The following TAOK3 variants were observed in gnomAD, a reference collection of about 807,000 sequenced individuals.
TAOK3 encodes serine/threonine-protein kinase TAO3.
In TAOK3, 40 loss-of-function variants were observed where a neutral mutation model predicts 120.4. The observed-to-expected ratio is 0.33, with a 90% CI of 0.26 to 0.43. The LOEUF (loss-of-function observed/expected upper bound fraction) is 0.43. Among genes scored for constraint, TAOK3 ranks in the 20% least tolerant of loss-of-function variants. The pLI is 1.00. For synonymous variants in TAOK3, 355 were observed against 387.5 expected, an observed-to-expected ratio of 0.92 and a Z score of 0.99; for missense variants, 821 against 1,112.1, an observed-to-expected ratio of 0.74 and a Z score of 3.72.
chr12:118,280,445 A>G (rs1460547509), intron 1 of TAOK3, among the ~76,000 whole-genome samples: 2 of 152,162 alleles, frequency 1.3e-5, no homozygotes, highest in Admixed American at 6.5e-5. Flanking sequence ...TATTTATTAA[A>G]TAGGCAGTCC....
intron 9 of TAOK3, among the ~76,000 whole-genome samples, chr12:118,225,109 G>A (rs1257878990): frequency 6.6e-6 from 1 of 151,700 alleles, no homozygotes; most frequent in East Asian, 1.9e-4. Flanking sequence ...TTAGCCGGGA[G>A]TGGTGGTGGG....
chr12:118,307,721 A>G (rs2043102755), intron 1 of TAOK3, among the ~76,000 whole-genome samples: 1 of 152,180 alleles, frequency 6.6e-6, no homozygotes, highest in African/African-American at 2.4e-5. Flanking sequence ...TGAACTGTTA[A>G]TGAAGTTCCG....
At chr12:118,309,490 C>T (rs547176500) in intron 1 of TAOK3, among the ~76,000 whole-genome samples, 1 of 152,086 alleles carries the variant, frequency 6.6e-6, no homozygotes, top group African/African-American at 2.4e-5. Flanking sequence ...AATCTACCCT[C>T]CCTTCTTGGC....
chr12:118,333,092 T>C (rs995079919), intron 1 of TAOK3, among the ~76,000 whole-genome samples: 1 of 151,584 alleles, frequency 6.6e-6, no homozygotes, highest in African/African-American at 2.4e-5. Context: ...AGACAGAAAA[T>C]TAACAAAGAC....
chr12:118,350,642 T>C lies in TAOK3; in HGVS notation c.-194+22006A>G, dbSNP rs559931171. ...GGGAGGCTGAGGCAGGTGGATCACCTTAGGTCAGGAGTTCGAGACCAGCTT... is the reference window on the plus strand; with the variant it reads ...GGGAGGCTGAGGCAGGTGGATCACCCTAGGTCAGGAGTTCGAGACCAGCTT... On this transcript the variant is annotated intron_variant, in intron 1 of 20. Coordinates refer to ENST00000392533, the MANE Select transcript of TAOK3 (RefSeq NM_016281.4). 4.6e-5 allele frequency among the ~76,000 whole-genome samples: 7 copies of C among 151,888 alleles called. No homozygotes were observed. In the South Asian group the frequency reaches 8.3e-4, roughly 18 times the overall value.
At chr12:118,330,855 T>C (rs2044119023) in intron 1 of TAOK3, among the ~76,000 whole-genome samples, 1 of 151,732 alleles carries the variant, frequency 6.6e-6, no homozygotes, top group African/African-American at 2.4e-5. Flanking sequence ...ACAGTACCCA[T>C]TTATCTTTAT....
intron 9 of TAOK3, among the ~76,000 whole-genome samples, chr12:118,217,170 G>A (rs2038949323): frequency 6.6e-6 from 1 of 152,062 alleles, no homozygotes; most frequent in Admixed American, 6.6e-5. Flanking sequence ...AAGGCTAAGA[G>A]GTGAAGTTAT....
chr12:118,347,966 A>C (rs1214950910), intron 1 of TAOK3, among the ~76,000 whole-genome samples: 3 of 152,146 alleles, frequency 2.0e-5, no homozygotes, highest in African/African-American at 7.2e-5. Flanking sequence ...AAATATCTTA[A>C]ATGGTTCCTC....
intron 3 of TAOK3, among the ~76,000 whole-genome samples, chr12:118,247,658 G>A (rs1243228345): frequency 2.0e-5 from 3 of 152,100 alleles, no homozygotes; most frequent in African/African-American, 7.2e-5. Context: ...GGGATTACAG[G>A]CGGCCACCAC....
At chr12:118,237,501 T>C (rs1300355943) in intron 7 of TAOK3, among the ~76,000 whole-genome samples, 1 of 151,922 alleles carries the variant, frequency 6.6e-6, no homozygotes, top group African/African-American at 2.4e-5. Context: ...AGAATAGGAG[T>C]CAAGAAACTT....
chr12:118,209,455 T>A (rs917115992), intron 11 of TAOK3, among the ~76,000 whole-genome samples: 2 of 152,124 alleles, frequency 1.3e-5, no homozygotes, highest in African/African-American at 4.8e-5. Context: ...CAGGCTGGAG[T>A]GCAGGGGCAC....
At chr12:118,309,190 G>A (rs1010559980) in intron 1 of TAOK3, among the ~76,000 whole-genome samples, 3 of 151,644 alleles carry the variant, frequency 2.0e-5, no homozygotes, top group African/African-American at 4.8e-5. Context: ...TAAGCTGGGC[G>A]TGGTGCTGCA....
In TAOK3 at chr12:118,186,817, T is replaced by C. The variant is rs562359646; in HGVS notation, c.1329+2990A>G. ...TATCAAAGTTTATAGTCCTTCCTTA[T>C]CCTTTGTTACAAATCCAACTGTGCA... On this transcript the variant is annotated intron_variant, in intron 14 of 20. Transcript: ENST00000392533. Among the ~76,000 whole-genome samples the C allele has an allele frequency of 3.9e-4, 59 of 152,342 alleles. 1 individual carries two copies. The highest frequency in any genetic ancestry group is 1.7e-3 in the Admixed American group (26 of 15,302).
chr12:118,155,406 T>C (rs1461823486), intron 19 of TAOK3, among the ~76,000 whole-genome samples: 4 of 152,236 alleles, frequency 2.6e-5, no homozygotes, highest in Non-Finnish European at 5.9e-5. Context: ...GACCCTGTGG[T>C]CCACAAAGCT....
At chr12:118,239,905 G>A (rs1378343277) in intron 5 of TAOK3, among the ~76,000 whole-genome samples, 1 of 152,028 alleles carries the variant, frequency 6.6e-6, no homozygotes, top group Non-Finnish European at 1.5e-5. Flanking sequence ...AGCGGCTCAC[G>A]CCTGTAATCC....
chr12:118,162,031 C>T lies in TAOK3; in HGVS notation c.1900-4G>A, dbSNP rs779806259. The T allele has an allele frequency of 1.2e-5, 19 of 1,610,554 alleles. No homozygotes were observed. Among genetic ancestry groups the T allele is most frequent in the Middle Eastern group, 1.6e-4 (1 of 6,066 alleles). ...GGGTCCTCTTTTTATTTAGTTCCTGCGTCCAGGAACAAAAGATAAACGGAG... is the reference window on the plus strand; with the variant it reads ...GGGTCCTCTTTTTATTTAGTTCCTGTGTCCAGGAACAAAAGATAAACGGAG... On this transcript the variant is annotated splice_region_variant and splice_polypyrimidine_tract_variant and intron_variant, in intron 17 of 20. Transcript: ENST00000392533.
intron 11 of TAOK3, among the ~76,000 whole-genome samples, chr12:118,212,013 T>C (rs2139460092): frequency 6.6e-6 from 1 of 152,336 alleles, no homozygotes. Context: ...CTTTGTCCTG[T>C]TGCTTCTCTT....
chr12:118,196,416 C>A (rs2037732341), intron 13 of TAOK3, among the ~76,000 whole-genome samples: 1 of 151,984 alleles, frequency 6.6e-6, no homozygotes. Flanking sequence ...TCTGTTTTGA[C>A]TACCAGTCAA....
At chr12:118,252,176 T>G (rs1364300557) in intron 3 of TAOK3, among the ~76,000 whole-genome samples, 1 of 152,072 alleles carries the variant, frequency 6.6e-6, no homozygotes, top group African/African-American at 2.4e-5. Flanking sequence ...CCAGGAGAGA[T>G]TCTGAGAAGA....
Sources: gnomAD v4.1 joint callset for allele counts (sites outside exome capture counted in the v4.1 genomes callset) on GRCh38, gnomAD v4.1.1 for gene constraint, MANE v1.5 for transcripts, NCBI Gene and HGNC (gene_info 2026-07-23, HGNC 2026-07-21) for gene names.